RUNX1: variants seen among roughly 807,000 people sequenced by gnomAD.
The protein encoded by RUNX1 is runt-related transcription factor 1.
In RUNX1, 19 loss-of-function variants were observed where a neutral mutation model predicts 42.8. The ratio of observed to expected loss-of-function variants is 0.44; its 90% CI spans 0.31 to 0.65. RUNX1 has a LOEUF of 0.65. Among genes scored for constraint, RUNX1 ranks in the 30% least tolerant of loss-of-function variants. The pLI, the probability that RUNX1 is intolerant of heterozygous loss-of-function variation, is 0.07. For synonymous variants in RUNX1, 271 were observed against 289.4 expected (o/e 0.94, Z 0.64); for missense variants, 528 against 672.0 (o/e 0.79, Z 2.37).
At chr21:34,967,322 A>AAAG (rs2058727660) in intron 2 of RUNX1, among the ~76,000 whole-genome samples, 1 of 95,620 alleles carries the variant, frequency 1.0e-5, no homozygotes, top group African/African-American at 5.4e-5. Context: ...TCGGTCTCAA[A>AAAG]AAAAAAAAAA....
chr21:34,957,730 CA>C (rs542829519), intron 2 of RUNX1, among the ~76,000 whole-genome samples: 11 of 152,312 alleles, frequency 7.2e-5, no homozygotes, highest in African/African-American at 2.6e-4. Flanking sequence ...ATGAGGCACA[CA>C]CCTCCTCTGG....
chr21:34,877,732 G>T (rs1368806851), intron 5 of RUNX1, among the ~76,000 whole-genome samples: 1 of 152,156 alleles, frequency 6.6e-6, no homozygotes, highest in East Asian at 1.9e-4. Flanking sequence ...GGCAGCCAGC[G>T]CCCAGATAGA....
intron 5 of RUNX1, among the ~76,000 whole-genome samples, chr21:34,871,846 CTT>C (rs10546742): frequency 0.23 from 32,601 of 143,108 alleles, 3,609 homozygotes; most frequent in Middle Eastern, 0.31. Context: ...GCTTTTATCA[CTT>C]TTTTTTTTTT....
rs1209099040 is a variant in RUNX1 at position 34,863,687 on chromosome 21, T to C, written c.509-4109A>G. The stretch of plus-strand genomic sequence containing the variant: ...CTCCTGCCTCAGCCTCCCGAGTAGC[T>C]GGGATTACATGTGCATACCACCACA... On this transcript the variant is annotated intron_variant, in intron 5 of 8. Transcript: ENST00000675419. Among the ~76,000 whole-genome samples, 3 of 151,670 alleles carry C rather than the reference T, an allele frequency of 2.0e-5. No individual in the cohort carries two copies. The East Asian group carries it at 5.8e-4, about 29-fold the overall frequency.
intron 7 of RUNX1, among the ~76,000 whole-genome samples, chr21:34,809,687 C>T (rs574836031): frequency 6.6e-5 from 10 of 152,098 alleles, no homozygotes; most frequent in South Asian, 4.2e-4. Context: ...GATGAGGGGC[C>T]GGTGGGATTT....
intron 2 of RUNX1, among the ~76,000 whole-genome samples, chr21:34,961,279 C>T (rs1038297457): frequency 3.3e-5 from 5 of 151,948 alleles, no homozygotes; most frequent in Non-Finnish European, 5.9e-5. Flanking sequence ...GAGGCTGAAG[C>T]AGGGGAGGCG....
chr21:34,902,919 T>C (rs2058188802), intron 2 of RUNX1, among the ~76,000 whole-genome samples: 1 of 151,936 alleles, frequency 6.6e-6, no homozygotes, highest in African/African-American at 2.4e-5. Flanking sequence ...GGGTTTCGAG[T>C]GGGAAGGGGC....
intron 2 of RUNX1, among the ~76,000 whole-genome samples, chr21:35,040,913 G>A (rs2059354229): frequency 6.6e-6 from 1 of 151,992 alleles, no homozygotes; most frequent in Admixed American, 6.6e-5. Context: ...GCTGACTGCT[G>A]CAAGATTTTC....
At chr21:34,889,853 G>A (rs1478224582) in intron 3 of RUNX1, 4 of 1,092,578 alleles carry the variant, frequency 3.7e-6, no homozygotes, top group Admixed American at 5.4e-5. Flanking sequence ...GTCCCTCCAC[G>A]CCCTCCCTGC....
At chr21:34,932,147 TG>T (rs903821892) in intron 2 of RUNX1, among the ~76,000 whole-genome samples, 1 of 152,182 alleles carries the variant, frequency 6.6e-6, no homozygotes, top group African/African-American at 2.4e-5. Context: ...TAATTTATAA[TG>T]AAGGTAATTA....
intron 5 of RUNX1, among the ~76,000 whole-genome samples, chr21:34,870,231 G>A (rs193226598): frequency 1.2e-4 from 18 of 152,316 alleles, no homozygotes; most frequent in Admixed American, 2.6e-4. Context: ...CACTCACAGA[G>A]TCCCCATTGT....
intron 2 of RUNX1, among the ~76,000 whole-genome samples, chr21:35,005,233 A>G (rs2059075340): frequency 6.6e-6 from 1 of 152,102 alleles, no homozygotes; most frequent in African/African-American, 2.4e-5. Flanking sequence ...ATACAGACAG[A>G]GATGAGAGAG....
rs147999181 is a variant in RUNX1 at position 34,841,501 on chromosome 21, G to A, written c.614-6900C>T. The stretch of plus-strand genomic sequence containing the variant: ...CCATGGTCCTACAGTGGCCTCTCAG[G>A]TGACATGAAGTACAGGTCATGTCAC... On this transcript the variant is annotated intron_variant, in intron 6 of 8. Transcript: ENST00000675419. Among the ~76,000 whole-genome samples, 282 of 152,224 alleles carry A rather than the reference G, an allele frequency of 1.9e-3. 2 individuals are homozygous for A. The highest frequency in any genetic ancestry group is 6.6e-3 in the African/African-American group (275 of 41,530).
At chr21:34,888,377 C>A (rs1434938318) in intron 3 of RUNX1, 5 of 1,067,650 alleles carry the variant, frequency 4.7e-6, no homozygotes, top group Non-Finnish European at 5.7e-6. Context: ...CGGCTCGCCT[C>A]GGACCACAGA....
intron 2 of RUNX1, among the ~76,000 whole-genome samples, chr21:35,004,022 C>T (rs1035679802): frequency 6.6e-6 from 1 of 152,138 alleles, no homozygotes; most frequent in Admixed American, 6.5e-5. Flanking sequence ...TTCTATAATC[C>T]CACCCATATA....
At chr21:34,991,209 C>T (rs1744942167) in intron 2 of RUNX1, among the ~76,000 whole-genome samples, 1 of 152,228 alleles carries the variant, frequency 6.6e-6, no homozygotes. Context: ...GTTTTCTGAA[C>T]ATGCCAGGCC....
At chr21:34,884,577 G>C (rs1480572940) in intron 4 of RUNX1, among the ~76,000 whole-genome samples, 1 of 152,170 alleles carries the variant, frequency 6.6e-6, no homozygotes, top group African/African-American at 2.4e-5. Flanking sequence ...TGAAGCCAGG[G>C]ACACACACTA....
At chr21:34,984,593 C>A (rs1032802181) in intron 2 of RUNX1, among the ~76,000 whole-genome samples, 2 of 152,030 alleles carry the variant, frequency 1.3e-5, no homozygotes, top group Admixed American at 6.6e-5. Context: ...GCAGAAATAG[C>A]AGAATCAAAA....
chr21:34,822,808 G>C (rs1469584739), intron 7 of RUNX1, among the ~76,000 whole-genome samples: 1 of 152,184 alleles, frequency 6.6e-6, no homozygotes, highest in Non-Finnish European at 1.5e-5. Context: ...AATGGAGTGA[G>C]AGTGGCCACA....
Sources: allele counts gnomAD v4.1 joint callset (sites outside exome capture counted in the v4.1 genomes callset), GRCh38; gene constraint gnomAD v4.1.1; transcripts MANE v1.5; gene names NCBI Gene and HGNC (gene_info 2026-07-23, HGNC 2026-07-21).